Variants in TFCP2 observed in about 807,000 individuals in gnomAD.
TFCP2 encodes the protein transcription factor CP2.
Under a neutral mutation model 73.4 loss-of-function variants are expected in TFCP2, and 33 were observed. The ratio of observed to expected loss-of-function variants is 0.45; its 90% CI spans 0.34 to 0.60. TFCP2 has a LOEUF of 0.60. TFCP2 is among the 20% of genes least tolerant of loss of function. The probability of loss-of-function intolerance (pLI) is 0.01; values close to 1 mark genes in which losing one functional copy is unlikely to be tolerated. For missense variants in TFCP2, 352 were observed against 604.0 expected, an observed-to-expected ratio of 0.58 and a Z score of 4.37; for synonymous variants, 193 against 211.6, an observed-to-expected ratio of 0.91 and a Z score of 0.76.
chr12:51,124,303 T>C (rs1466282564), intron 1 of TFCP2, among the ~76,000 whole-genome samples: 1 of 152,082 alleles, frequency 6.6e-6, no homozygotes, highest in African/African-American at 2.4e-5. Context: ...ATCATGTTGC[T>C]CAGACTGGTC....
chr12:51,118,384 C>T (rs892470967), intron 2 of TFCP2, among the ~76,000 whole-genome samples: 1 of 152,140 alleles, frequency 6.6e-6, no homozygotes, highest in African/African-American at 2.4e-5. Flanking sequence ...GAAACCCTAT[C>T]TCTACTAAAA....
At chr12:51,109,763 G>A (rs1940349962) in intron 5 of TFCP2, among the ~76,000 whole-genome samples, 1 of 149,728 alleles carries the variant, frequency 6.7e-6, no homozygotes, top group Admixed American at 6.7e-5. Context: ...TTGTCACCCA[G>A]GCTGGAATGC....
chr12:51,106,452 C>T, intron 8 of TFCP2, 73 bp downstream of exon 8: 2 of 1,118,232 alleles, frequency 1.8e-6, no homozygotes, highest in East Asian at 2.4e-5. Flanking sequence ...TAAAAAAGAT[C>T]TTGTTTATGA....
intron 5 of TFCP2, among the ~76,000 whole-genome samples, chr12:51,110,468 C>G (rs1321981702): frequency 1.3e-5 from 2 of 152,058 alleles, no homozygotes; most frequent in Non-Finnish European, 2.9e-5. Context: ...ACTGGTGAGG[C>G]TGAGGCAAGA....
chr12:51,158,888 G>A (rs1254822725), intron 1 of TFCP2, among the ~76,000 whole-genome samples: 3 of 151,184 alleles, frequency 2.0e-5, no homozygotes, highest in Admixed American at 2.0e-4. Flanking sequence ...CATCGGCCAG[G>A]TGCGGTGGCT....
At chr12:51,159,651 T>C (rs1292769280) in intron 1 of TFCP2, among the ~76,000 whole-genome samples, 2 of 152,072 alleles carry the variant, frequency 1.3e-5, no homozygotes, top group Non-Finnish European at 2.9e-5. Context: ...CACAGATTTC[T>C]GAAATTTGGG....
intron 1 of TFCP2, among the ~76,000 whole-genome samples, chr12:51,159,178 C>A (rs1456762523): frequency 1.3e-3 from 156 of 120,482 alleles, no homozygotes; most frequent in Admixed American, 1.9e-3. Context: ...GACTCTGTCT[C>A]AAAAAAAAAA....
At chr12:51,121,374 G>A (rs1056244016) in intron 1 of TFCP2, among the ~76,000 whole-genome samples, 10 of 151,094 alleles carry the variant, frequency 6.6e-5, no homozygotes, top group African/African-American at 2.4e-4. Flanking sequence ...AGCCAAGATC[G>A]TACCACTGCA....
At chr12:51,127,285 G>A (rs553768394) in intron 1 of TFCP2, among the ~76,000 whole-genome samples, 13 of 152,102 alleles carry the variant, frequency 8.5e-5, no homozygotes, top group African/African-American at 2.7e-4. Context: ...AGACAGGACC[G>A]AAGTCTGAGG....
At chr12:51,133,186 AATAAC>A (rs1940987965) in intron 1 of TFCP2, among the ~76,000 whole-genome samples, 1 of 152,252 alleles carries the variant, frequency 6.6e-6, no homozygotes, top group Admixed American at 6.5e-5. Context: ...TTTAAGAAAA[AATAAC>A]AGAGCACAAA....
intron 1 of TFCP2, among the ~76,000 whole-genome samples, chr12:51,120,349 A>C (rs1423691973): frequency 6.6e-6 from 1 of 152,154 alleles, no homozygotes; most frequent in African/African-American, 2.4e-5. Context: ...CACAGATATA[A>C]TGCTCGACAA....
At chr12:51,097,368 C>G (rs1939989620) in intron 13 of TFCP2, among the ~76,000 whole-genome samples, 1 of 152,172 alleles carries the variant, frequency 6.6e-6, no homozygotes, top group South Asian at 2.1e-4. Context: ...CTGCCTCAGC[C>G]TCCCAAGTAG....
intron 8 of TFCP2, among the ~76,000 whole-genome samples, chr12:51,105,584 A>AT (rs1048461070): frequency 6.6e-6 from 1 of 151,680 alleles, no homozygotes; most frequent in African/African-American, 2.4e-5. Context: ...GGATGTTAAG[A>AT]TTTTTTTTTC....
At chr12:51,148,845 C>T (rs150304914) in intron 1 of TFCP2, among the ~76,000 whole-genome samples, 1,909 of 150,650 alleles carry the variant, frequency 0.013, 53 homozygotes, top group African/African-American at 0.043. Flanking sequence ...ACCAATATGG[C>T]GAAACCCTGT....
intron 10 of TFCP2, among the ~76,000 whole-genome samples, chr12:51,103,383 C>G (rs1046345926): frequency 7.9e-5 from 12 of 152,168 alleles, no homozygotes; most frequent in Non-Finnish European, 1.5e-4. Context: ...CAAATGCCCC[C>G]TTGATAAAAC....
chr12:51,099,303 T>C (rs924306992), intron 12 of TFCP2, among the ~76,000 whole-genome samples: 1 of 151,878 alleles, frequency 6.6e-6, no homozygotes, highest in African/African-American at 2.4e-5. Context: ...CTGGGCAACA[T>C]AGGGAGATCC....
intron 1 of TFCP2, among the ~76,000 whole-genome samples, chr12:51,167,772 G>C (rs975039244): frequency 3.9e-5 from 6 of 152,102 alleles, no homozygotes; most frequent in Admixed American, 2.6e-4. Context: ...ATTAAAAGGA[G>C]AAATAGGCCT....
At chr12:51,115,826 G>A (rs978035746) in intron 4 of TFCP2, among the ~76,000 whole-genome samples, 1 of 152,216 alleles carries the variant, frequency 6.6e-6, no homozygotes, top group Non-Finnish European at 1.5e-5. Flanking sequence ...TTTCATTTAT[G>A]CAGTACTTAG....
chr12:51,124,752 G>T, intron 1 of TFCP2: 1 of 748,740 alleles, frequency 1.3e-6, no homozygotes, highest in Non-Finnish European at 2.4e-6. Flanking sequence ...GATCACGGCT[G>T]CCTTTTTCTG....
Sources: gnomAD v4.1 joint callset for allele counts (sites outside exome capture counted in the v4.1 genomes callset) on GRCh38, gnomAD v4.1.1 for gene constraint, MANE v1.5 for transcripts, NCBI Gene and HGNC (gene_info 2026-07-23, HGNC 2026-07-21) for gene names.